The following CAPN13 variants were observed in gnomAD, a reference collection of about 807,000 sequenced individuals.
CAPN13 encodes calpain-13.
CAPN13 carries 90 observed loss-of-function variants against 98.4 expected under a neutral mutation model. That is an observed-to-expected ratio of 0.92 (90% CI 0.77 to 1.09). The LOEUF is 1.09. Ranked by LOEUF, CAPN13 falls within the 50% of genes least tolerant of loss-of-function variation. The probability of loss-of-function intolerance (pLI) is 0.00; values close to 1 mark genes in which losing one functional copy is unlikely to be tolerated. For synonymous variants in CAPN13, 330 were observed against 305.5 expected, an observed-to-expected ratio of 1.08 and a Z score of -0.84; for missense variants, 887 against 841.3, an observed-to-expected ratio of 1.05 and a Z score of -0.67.
At chr2:30,793,495 T>G (rs186105424) in intron 1 of CAPN13, among the ~76,000 whole-genome samples, 2 of 151,672 alleles carry the variant, frequency 1.3e-5, no homozygotes, top group Admixed American at 1.3e-4. Context: ...GGCTCAATAC[T>G]GCCAAGATGG....
chr2:30,767,043 G>A (rs1017793837), intron 5 of CAPN13, among the ~76,000 whole-genome samples: 15 of 152,226 alleles, frequency 9.9e-5, no homozygotes, highest in African/African-American at 3.6e-4. Context: ...CAAAAGACAA[G>A]TCATTTTCCT....
intron 1 of CAPN13, among the ~76,000 whole-genome samples, chr2:30,797,553 T>C (rs1406553647): frequency 1.3e-5 from 2 of 151,908 alleles, no homozygotes; most frequent in African/African-American, 2.4e-5. Flanking sequence ...ATTGAGAAGA[T>C]TCTTGTAAAG....
At chr2:30,761,206 A>T (rs1672833191) in intron 7 of CAPN13, among the ~76,000 whole-genome samples, 1 of 152,150 alleles carries the variant, frequency 6.6e-6, no homozygotes, top group Non-Finnish European at 1.5e-5. Context: ...ACATTCTGGG[A>T]AGTGTCAGCT....
intron 4 of CAPN13, among the ~76,000 whole-genome samples, chr2:30,775,311 A>G (rs1673626910): frequency 6.6e-6 from 1 of 152,204 alleles, no homozygotes; most frequent in Non-Finnish European, 1.5e-5. Flanking sequence ...TACACCACCA[A>G]TATAAATATA....
chr2:30,759,652 T>C (rs996088503), intron 7 of CAPN13, among the ~76,000 whole-genome samples: 5 of 152,176 alleles, frequency 3.3e-5, no homozygotes, highest in Middle Eastern at 3.2e-3. Context: ...TGATGTGCGC[T>C]AAGGAAACGG....
chr2:30,740,452 G>A (rs1671599273), intron 15 of CAPN13, among the ~76,000 whole-genome samples: 1 of 152,240 alleles, frequency 6.6e-6, no homozygotes, highest in African/African-American at 2.4e-5. Flanking sequence ...AGAGGACACA[G>A]TGAGTGCATG....
intron 12 of CAPN13, 150 bp downstream of exon 12, chr2:30,745,573 G>T (rs1671864429): frequency 2.8e-6 from 2 of 701,972 alleles, no homozygotes; most frequent in Non-Finnish European, 2.4e-6. Context: ...GAACCTGTTT[G>T]GGGATTCTAG....
Position 30,764,129 on chromosome 2 carries a change from T to G in CAPN13, c.699+3A>C, listed in dbSNP as rs1241472701. 7.7e-6 allele frequency: 12 copies of G among 1,561,840 alleles called. No homozygotes were observed. The Admixed American group carries it at 2.3e-4, about 30-fold the overall frequency. On this transcript the variant is annotated splice_donor_region_variant and intron_variant, in intron 6 of 22. Coordinates refer to ENST00000295055, the MANE Select transcript of CAPN13 (RefSeq NM_144575.3). ...GGTGCAAAAGGGCTCCCCAGTGACT[T>G]ACCCCACTTGGAGTGGCACAGGTTA...
At chr2:30,752,521 C>A (rs1340758430) in intron 10 of CAPN13, among the ~76,000 whole-genome samples, 3 of 152,158 alleles carry the variant, frequency 2.0e-5, no homozygotes, top group African/African-American at 7.2e-5. Flanking sequence ...CAGGGACATA[C>A]CTGCCAAGAC....
At chr2:30,797,058 G>A (rs575433226) in intron 1 of CAPN13, among the ~76,000 whole-genome samples, 5 of 152,244 alleles carry the variant, frequency 3.3e-5, no homozygotes, top group East Asian at 1.9e-4. Context: ...TGTGCCAGAC[G>A]GGCGGGAGGC....
intron 11 of CAPN13, chr2:30,746,608 T>G: frequency 5.0e-6 from 1 of 199,874 alleles, no homozygotes; most frequent in Non-Finnish European, 1.1e-5. Flanking sequence ...TGGATAGATT[T>G]GGTGATCTGC....
chr2:30,781,705 C>T (rs1168155144), intron 2 of CAPN13, among the ~76,000 whole-genome samples: 1 of 152,148 alleles, frequency 6.6e-6, no homozygotes, highest in African/African-American at 2.4e-5. Context: ...ACTGGCTTTC[C>T]TGGGTCTCCA....
chr2:30,774,906 T>G lies in CAPN13; in HGVS notation c.387+1024A>C, dbSNP rs188076465. Among the ~76,000 whole-genome samples the G allele has an allele frequency of 3.0e-3, 463 of 152,312 alleles. 1 individual carries two copies. Among genetic ancestry groups the G allele is most frequent in the Middle Eastern group, 0.01 (3 of 294 alleles). On this transcript the variant is annotated intron_variant, in intron 4 of 22. Transcript: ENST00000295055. ...AAATTCCAAGACAATTTTTAGCAAC[T>G]TGAATGTACTGAAAGAAGAGTAAAT...
chr2:30,759,038 C>T (rs1672656047), intron 7 of CAPN13, among the ~76,000 whole-genome samples: 1 of 40,288 alleles, frequency 2.5e-5, no homozygotes, highest in Non-Finnish European at 4.9e-5. Context: ...TTCCCTCCCT[C>T]CCTCCTTCCT....
At position 30,742,211 on chromosome 2, in the gene CAPN13, G is replaced by C. The variant is rs1047230945; in HGVS notation, c.1479+115C>G. The C allele has an allele frequency of 2.6e-5, 33 of 1,291,998 alleles. No homozygotes were observed. In the African/African-American group the frequency reaches 4.4e-4, roughly 17 times the overall value. The allele number at this position is 1,291,998 out of a possible 1,614,324, so 80.0% of individuals were successfully genotyped here. On this transcript the variant is annotated intron_variant, in intron 14 of 22. Coordinates refer to ENST00000295055, the MANE Select transcript of CAPN13 (RefSeq NM_144575.3). ...TTTGAGCCTTCATCGGCCTATCATGGTGTCTCTCTTTTCATTGGTTGGGGG... is the reference window on the plus strand; with the variant it reads ...TTTGAGCCTTCATCGGCCTATCATGCTGTCTCTCTTTTCATTGGTTGGGGG...
In CAPN13 at chr2:30,777,636, G is replaced by C. The variant is rs918149380; in HGVS notation, c.202C>G (p.Leu68Val). ...ATGAAGTGAGGAGGACCCCCTGGTA[G>C]ATCCTTTAGGAAAGAGGGAGAAAAG... ...SNVIWKRPQD[L>V]PGGPPHFILD... The change falls in exon 3 of 23, where the codon CTA becomes GTA. Residue 68 changes from leucine (L) to valine (V), a missense_variant. Physicochemically the swap from Leu to Val is conservative, Grantham distance 32. Coordinates refer to ENST00000295055, the MANE Select transcript of CAPN13 (RefSeq NM_144575.3). 1.9e-6 allele frequency: 3 copies of C among 1,569,894 alleles called. No homozygotes were observed. The highest frequency in any genetic ancestry group is 2.6e-6 in the Non-Finnish European group (3 of 1,155,432).
intron 1 of CAPN13, among the ~76,000 whole-genome samples, chr2:30,794,371 A>G (rs1674748668): frequency 6.6e-6 from 1 of 151,948 alleles, no homozygotes. Context: ...CCATTTTCTA[A>G]TGGCCTAAAA....
At position 30,743,427 on chromosome 2, in the gene CAPN13, C is replaced by T. The variant is rs376622282; in HGVS notation, c.1401G>A (p.Ala467=). 1.1e-4 allele frequency: 172 copies of T among 1,613,852 alleles called. No individual in the cohort carries two copies. The highest frequency in any genetic ancestry group is 1.6e-4 in the African/African-American group (12 of 74,918). ...TCAGGAAGATTCGGAGCAAGAACTC[C>T]GCTGATTTTCTCCGTGTCTGTGCAA... ...VVVAQTRRKS[A]EFLLRIFLKM... Residue 467 remains alanine (A), a synonymous_variant, in exon 13 of 23, where the codon GCG becomes GCA. Coordinates refer to ENST00000295055, the MANE Select transcript of CAPN13 (RefSeq NM_144575.3).
At chr2:30,734,421 C>T (rs1572785054) in intron 19 of CAPN13, 28 bp downstream of exon 19, 5 of 1,591,456 alleles carry the variant, frequency 3.1e-6, no homozygotes, top group Non-Finnish European at 4.3e-6. Context: ...GGACCTTGGG[C>T]ACCACAGCTC....
Sources: allele counts gnomAD v4.1 joint callset (sites outside exome capture counted in the v4.1 genomes callset), GRCh38; gene constraint gnomAD v4.1.1; transcripts MANE v1.5; gene names NCBI Gene and HGNC (gene_info 2026-07-23, HGNC 2026-07-21).